The following RPS6KC1 variants were observed in gnomAD, a reference collection of about 807,000 sequenced individuals.
RPS6KC1 encodes ribosomal protein S6 kinase C1.
A neutral mutation model predicts 103.8 loss-of-function variants in RPS6KC1; 54 were observed. That is an observed-to-expected ratio of 0.52 (90% CI 0.42 to 0.65). The LOEUF (loss-of-function observed/expected upper bound fraction) is 0.65. RPS6KC1 is among the 30% of genes least tolerant of loss of function. The pLI, the probability that RPS6KC1 is intolerant of heterozygous loss-of-function variation, is 0.00. For synonymous variants in RPS6KC1, 439 were observed against 438.7 expected, an observed-to-expected ratio of 1.00 and a Z score of -0.01; for missense variants, 1,151 against 1,253.8, an observed-to-expected ratio of 0.92 and a Z score of 1.24.
the RPS6KC1 span, among the ~76,000 whole-genome samples, chr1:213,693,289 C>T: frequency 5.9e-5 from 9 of 152,300 alleles, no homozygotes; most frequent in Non-Finnish European, 1.0e-4. Context: ...TCCTTCAGAT[C>T]TCAGCTTAGA....
chr1:213,734,628 A>T, the RPS6KC1 span, among the ~76,000 whole-genome samples: 1 of 152,240 alleles, frequency 6.6e-6, no homozygotes, highest in Non-Finnish European at 1.5e-5. Flanking sequence ...CCTAAAATAA[A>T]TGCCAAAATA....
At chr1:213,778,940 C>T in the RPS6KC1 span, among the ~76,000 whole-genome samples, 7 of 152,230 alleles carry the variant, frequency 4.6e-5, no homozygotes, top group South Asian at 1.0e-3. Flanking sequence ...TCCTGAGGCT[C>T]CCAACACTTT....
chr1:213,478,187 T>C, the RPS6KC1 span, among the ~76,000 whole-genome samples: 16 of 152,198 alleles, frequency 1.1e-4, no homozygotes, highest in Non-Finnish European at 2.4e-4. Context: ...TTTTTATGAC[T>C]GGATAGCTCA....
chr1:213,411,441 G>C, the RPS6KC1 span, among the ~76,000 whole-genome samples: 5 of 152,198 alleles, frequency 3.3e-5, no homozygotes. Context: ...TAGAAGTACT[G>C]CTTTGGGCCT....
chr1:213,130,024 C>A, intron 6 of RPS6KC1, 135 bp downstream of exon 6: 1 of 833,316 alleles, frequency 1.2e-6, no homozygotes, highest in Non-Finnish European at 1.8e-6. Flanking sequence ...CTTAAAAGAC[C>A]TATATATGGA....
the RPS6KC1 span, among the ~76,000 whole-genome samples, chr1:213,726,763 C>T: frequency 2.6e-5 from 4 of 152,268 alleles, no homozygotes; most frequent in South Asian, 8.3e-4. Context: ...TATTTTTCTA[C>T]TTATGTCTTA....
chr1:213,574,594 A>G, the RPS6KC1 span, among the ~76,000 whole-genome samples: 1 of 152,198 alleles, frequency 6.6e-6, no homozygotes, highest in African/African-American at 2.4e-5. Context: ...TACGTGAAAC[A>G]TTTATGAGAT....
At chr1:213,736,721 C>T in the RPS6KC1 span, among the ~76,000 whole-genome samples, 43 of 152,208 alleles carry the variant, frequency 2.8e-4, no homozygotes, top group Admixed American at 7.9e-4. Context: ...AATCTGTGTT[C>T]TTTAATCTTC....
At chr1:213,664,193 G>C in the RPS6KC1 span, among the ~76,000 whole-genome samples, 115 of 80,410 alleles carry the variant, frequency 1.4e-3, 2 homozygotes, top group African/African-American at 4.2e-3. Context: ...AGAAATGAGC[G>C]GGGGGGCGGG....
chr1:213,646,825 T>C, the RPS6KC1 span, among the ~76,000 whole-genome samples: 1 of 151,972 alleles, frequency 6.6e-6, no homozygotes, highest in Non-Finnish European at 1.5e-5. Flanking sequence ...CACCTGGTTA[T>C]AAAAAGTGAC....
chr1:213,414,625 T>G, the RPS6KC1 span, among the ~76,000 whole-genome samples: 2 of 152,240 alleles, frequency 1.3e-5, no homozygotes, highest in Non-Finnish European at 2.9e-5. Context: ...CTGCATGTCA[T>G]ACTTCTTGTC....
At chr1:213,647,693 A>T in the RPS6KC1 span, among the ~76,000 whole-genome samples, 1 of 152,186 alleles carries the variant, frequency 6.6e-6, no homozygotes, top group Non-Finnish European at 1.5e-5. Context: ...AAGGCTCCCA[A>T]ACGTTTTCTG....
At chr1:213,760,250 T>TAC in the RPS6KC1 span, among the ~76,000 whole-genome samples, 1 of 152,088 alleles carries the variant, frequency 6.6e-6, no homozygotes, top group Non-Finnish European at 1.5e-5. Flanking sequence ...CACACATACA[T>TAC]ACACACACAC....
At chr1:213,244,487 G>A (rs1216198423) in intron 12 of RPS6KC1, among the ~76,000 whole-genome samples, 2 of 151,860 alleles carry the variant, frequency 1.3e-5, no homozygotes, top group Non-Finnish European at 2.9e-5. Flanking sequence ...CTGGTTCCTA[G>A]TAAGTGTATA....
In RPS6KC1 at chr1:213,077,712, GAT is replaced by G; in HGVS notation, c.160_161del (p.Tyr54GlnfsTer2). ...TCTCTCTAGATAATTGTATGGAAGA[GAT>G]ACAGTGATTTTAAGAAACTACACAA... is the stretch of plus-strand genomic sequence containing the variant. On this transcript the variant is annotated frameshift_variant, in exon 3 of 15. Coordinates refer to ENST00000366960, the MANE Select transcript of RPS6KC1 (RefSeq NM_012424.6). LOFTEE classifies it high-confidence loss of function. 1 of 1,477,828 alleles carries G rather than the reference GAT, an allele frequency of 6.8e-7. No homozygotes were observed. Among genetic ancestry groups the G allele is most frequent in the Non-Finnish European group, 9.3e-7 (1 of 1,080,294 alleles). 91.5% of individuals were successfully genotyped at this position (1,477,828 alleles called of 1,614,324 possible). A position where few individuals can be genotyped will look rare whatever the true frequency, so the allele number is the denominator to read the frequency against.
chr1:213,349,156 C>T, the RPS6KC1 span, among the ~76,000 whole-genome samples: 2 of 152,186 alleles, frequency 1.3e-5, no homozygotes, highest in East Asian at 3.8e-4. Flanking sequence ...TTTTATTCAA[C>T]AGATGCAGGT....
chr1:213,660,309 T>C, the RPS6KC1 span, among the ~76,000 whole-genome samples: 1 of 152,222 alleles, frequency 6.6e-6, no homozygotes, highest in Admixed American at 6.5e-5. Context: ...CCAAGTTTCA[T>C]GTCCAGAAGC....
At position 213,261,745 on chromosome 1, in the gene RPS6KC1, A is replaced by G. The variant is rs2094802640; in HGVS notation, c.2994+105A>G. 7 of 963,224 alleles carry G rather than the reference A, an allele frequency of 7.3e-6. No homozygotes were observed. The South Asian group carries it at 1.1e-4, about 15-fold the overall frequency. The allele number at this position is 963,224 out of a possible 1,614,324, so 59.7% of individuals were successfully genotyped here. The stretch of plus-strand genomic sequence containing the variant: ...TAGTTTTTAAATCAGGGACTAAGCA[A>G]GAAAAACTTTGATATCGAAAGCAAG... On this transcript the variant is annotated intron_variant, in intron 13 of 14. Coordinates refer to ENST00000366960, the MANE Select transcript of RPS6KC1 (RefSeq NM_012424.6).
chr1:213,700,795 G>A, the RPS6KC1 span, among the ~76,000 whole-genome samples: 1 of 151,794 alleles, frequency 6.6e-6, no homozygotes, highest in Non-Finnish European at 1.5e-5. Flanking sequence ...TAATTCCTAT[G>A]TATTTAATCT....
Sources: gnomAD v4.1 joint callset for allele counts (sites outside exome capture counted in the v4.1 genomes callset) on GRCh38, gnomAD v4.1.1 for gene constraint, MANE v1.5 for transcripts, NCBI Gene and HGNC (gene_info 2026-07-23, HGNC 2026-07-21) for gene names.